SLC4A4: variants seen among roughly 807,000 people sequenced by gnomAD.
SLC4A4 encodes the protein solute carrier family 4 member 4.
In SLC4A4, 27 loss-of-function variants were observed where a neutral mutation model predicts 111.5. The observed-to-expected ratio is 0.24, with a 90% confidence interval of 0.18 to 0.33. SLC4A4 has a LOEUF of 0.33. Ranked by LOEUF, SLC4A4 falls within the 10% of genes least tolerant of loss-of-function variation. The pLI, the probability that SLC4A4 is intolerant of heterozygous loss-of-function variation, is 1.00. For missense variants in SLC4A4, 909 were observed against 1,315.5 expected (o/e 0.69, Z 4.78); for synonymous variants, 443 against 463.4 (o/e 0.96, Z 0.57).
rs192209650 is a variant in SLC4A4, at chr4:71,241,908, C to T, written c.73+5259C>T. ...GCTTCCTGCTCCTTTCTCCTCATGGCCTCAGCTGAACGCTGGCCAGAGGTC... is the reference window on the plus strand; with the variant it reads ...GCTTCCTGCTCCTTTCTCCTCATGGTCTCAGCTGAACGCTGGCCAGAGGTC... On this transcript the variant is annotated intron_variant, in intron 2 of 25. Transcript: ENST00000264485. Among the ~76,000 whole-genome samples the T allele has an allele frequency of 5.9e-5, 9 of 152,326 alleles. No homozygotes were observed. In the East Asian group the frequency reaches 1.4e-3, roughly 23 times the overall value.
chr4:71,374,182 T>C (rs1357860576), intron 6 of SLC4A4, among the ~76,000 whole-genome samples: 1 of 152,222 alleles, frequency 6.6e-6, no homozygotes, highest in African/African-American at 2.4e-5. Context: ...CAGTGAATTT[T>C]GAGCATTCTT....
intron 2 of SLC4A4, among the ~76,000 whole-genome samples, chr4:71,111,560 T>TTTAA (rs1578490471): frequency 7.1e-6 from 1 of 141,476 alleles, no homozygotes; most frequent in Non-Finnish European, 1.5e-5. Flanking sequence ...TTTGTATTTT[T>TTTAA]AGTAGAGATG....
At chr4:71,148,179 C>A (rs1320662997) in intron 2 of SLC4A4, among the ~76,000 whole-genome samples, 1 of 152,184 alleles carries the variant, frequency 6.6e-6, no homozygotes, top group Non-Finnish European at 1.5e-5. Context: ...TGACAGGGAA[C>A]TTCCAAGTTC....
intron 1 of SLC4A4, among the ~76,000 whole-genome samples, chr4:71,085,334 A>T (rs919852773): frequency 6.6e-5 from 10 of 151,458 alleles, no homozygotes; most frequent in African/African-American, 9.8e-5. Flanking sequence ...GGTTGCAAAA[A>T]TTTTCTCCCA....
intron 7 of SLC4A4, among the ~76,000 whole-genome samples, chr4:71,408,804 A>G (rs368648930): frequency 1.3e-5 from 2 of 152,092 alleles, no homozygotes; most frequent in African/African-American, 2.4e-5. Context: ...TCTAGTACTT[A>G]TTATTTTCAT....
At chr4:71,283,359 G>A (rs1160062783) in intron 3 of SLC4A4, among the ~76,000 whole-genome samples, 1 of 152,128 alleles carries the variant, frequency 6.6e-6, no homozygotes, top group Non-Finnish European at 1.5e-5. Flanking sequence ...GCTGAGATGT[G>A]GGCATTCCTG....
chr4:71,242,376 T>G (rs1720314996), intron 2 of SLC4A4, among the ~76,000 whole-genome samples: 1 of 152,224 alleles, frequency 6.6e-6, no homozygotes, highest in African/African-American at 2.4e-5. Context: ...GTTTATTTTA[T>G]TCAAGTGTTG....
chr4:71,165,787 C>T (rs192209303), intron 2 of SLC4A4, among the ~76,000 whole-genome samples: 3 of 151,936 alleles, frequency 2.0e-5, no homozygotes, highest in African/African-American at 7.2e-5. Context: ...AAATGTGACC[C>T]AATGAGTCCC....
chr4:71,102,103 C>T (rs954564224), intron 2 of SLC4A4, among the ~76,000 whole-genome samples: 1 of 151,984 alleles, frequency 6.6e-6, no homozygotes. Flanking sequence ...AAAACCAAGG[C>T]TCAAGAACTA....
intron 7 of SLC4A4, among the ~76,000 whole-genome samples, chr4:71,422,202 C>A: frequency 7.1e-6 from 1 of 140,032 alleles, no homozygotes; most frequent in Non-Finnish European, 1.6e-5. Flanking sequence ...GAGAATACTA[C>A]AAACACCTCT....
chr4:71,260,599 C>G (rs780197124), intron 3 of SLC4A4, among the ~76,000 whole-genome samples: 4 of 152,138 alleles, frequency 2.6e-5, no homozygotes, highest in Non-Finnish European at 4.4e-5. Flanking sequence ...GGTCTGAGTA[C>G]AAAAGCTTTT....
intron 3 of SLC4A4, among the ~76,000 whole-genome samples, chr4:71,292,290 A>T (rs935799527): frequency 2.0e-5 from 3 of 152,198 alleles, no homozygotes; most frequent in African/African-American, 7.2e-5. Flanking sequence ...AAGGTAAAGA[A>T]AAGATTAAAT....
chr4:71,145,893 A>T (rs1744151641), intron 2 of SLC4A4, among the ~76,000 whole-genome samples: 1 of 152,192 alleles, frequency 6.6e-6, no homozygotes, highest in South Asian at 2.1e-4. Context: ...CTTTTCAAAA[A>T]ACCAGCTCCT....
At chr4:71,110,760 A>G (rs1461100486) in intron 2 of SLC4A4, among the ~76,000 whole-genome samples, 1 of 152,114 alleles carries the variant, frequency 6.6e-6, no homozygotes, top group Non-Finnish European at 1.5e-5. Context: ...TCTGTTTGGG[A>G]GGCTCTAGAT....
chr4:71,267,791 CAAAAAAAAAAAAAAAAAA>C (rs71212002), intron 3 of SLC4A4, among the ~76,000 whole-genome samples: 13 of 62,360 alleles, frequency 2.1e-4, no homozygotes, highest in African/African-American at 2.6e-4. Context: ...GAGAGTCTGC[CAAAAAAAAAAAAAAAAAA>C]AAAAAAAAAG....
At chr4:71,142,949 A>G (rs1286549889) in intron 2 of SLC4A4, among the ~76,000 whole-genome samples, 1 of 150,314 alleles carries the variant, frequency 6.7e-6, no homozygotes, top group Non-Finnish European at 1.5e-5. Flanking sequence ...TTTCCTTTTT[A>G]TTATTATTAT....
chr4:71,292,107 T>C (rs1196396026), intron 3 of SLC4A4, among the ~76,000 whole-genome samples: 1 of 152,196 alleles, frequency 6.6e-6, no homozygotes, highest in Non-Finnish European at 1.5e-5. Context: ...AAACCAAACT[T>C]CTAAATTTAT....
chr4:71,246,672 A>C (rs1720681167), intron 2 of SLC4A4, among the ~76,000 whole-genome samples: 1 of 152,206 alleles, frequency 6.6e-6, no homozygotes, highest in Non-Finnish European at 1.5e-5. Flanking sequence ...ACATTTCCAG[A>C]GAATCCTGAG....
chr4:71,088,410 G>A (rs1465137498), intron 1 of SLC4A4, among the ~76,000 whole-genome samples: 1 of 151,808 alleles, frequency 6.6e-6, no homozygotes, highest in African/African-American at 2.4e-5. Flanking sequence ...TTACATTTAA[G>A]GTTAATATTG....
Sources: gnomAD v4.1 joint callset for allele counts (sites outside exome capture counted in the v4.1 genomes callset) on GRCh38, gnomAD v4.1.1 for gene constraint, MANE v1.5 for transcripts, NCBI Gene and HGNC (gene_info 2026-07-23, HGNC 2026-07-21) for gene names.